The following BTK variants were observed in gnomAD, a reference collection of about 807,000 sequenced individuals.
The protein encoded by BTK is Bruton tyrosine kinase.
In BTK, 5 loss-of-function variants were observed where a neutral mutation model predicts 57.4. That is an observed-to-expected ratio of 0.09 (90% CI 0.05 to 0.18). The LOEUF is 0.18. BTK is among the 10% of genes least tolerant of loss of function. The pLI, the probability that BTK is intolerant of heterozygous loss-of-function variation, is 1.00. For missense variants in BTK, 194 were observed against 501.2 expected (o/e 0.39, Z 5.85); for synonymous variants, 154 against 174.3 (o/e 0.88, Z 0.92).
At chrX:101,381,350 A>G (rs182007891) in intron 1 of BTK, among the ~76,000 whole-genome samples, 11 of 111,745 alleles carry the variant, frequency 9.8e-5, no homozygotes, top group African/African-American at 3.6e-4. Flanking sequence ...GGACTATGCA[A>G]TTTGCATCAT....
chrX:101,362,413 C>T, intron 6 of BTK, 148 bp downstream of exon 6: 2 of 982,469 alleles, frequency 2.0e-6, no homozygotes, highest in Admixed American at 2.2e-5. Context: ...TGGATTTCAG[C>T]CCCCATGTGC....
At chrX:101,377,336 ATACCACAATTATTCTTGTGGC>A (rs782041476) in intron 1 of BTK, among the ~76,000 whole-genome samples, 7 of 111,741 alleles carry the variant, frequency 6.3e-5, no homozygotes, top group Non-Finnish European at 1.1e-4. Flanking sequence ...CCCTGTAATC[ATACCACAATTATTCTTGTGGC>A]AAATTATAAT....
chrX:101,366,025 G>A (rs782762724), intron 5 of BTK, among the ~76,000 whole-genome samples: 4 of 112,303 alleles, frequency 3.6e-5, no homozygotes, highest in East Asian at 5.6e-4. Flanking sequence ...AGTGGCTCAC[G>A]CCTTGGGAGG....
chrX:101,355,561 CAAGAGAA>C, intron 15 of BTK: 1 of 118,661 alleles, frequency 8.4e-6, no homozygotes, highest in Non-Finnish European at 1.7e-5. Context: ...TGTAGATTTT[CAAGAGAA>C]GCTGGAAATT....
At chrX:101,358,574 C>A in intron 11 of BTK, 43 bp downstream of exon 11, 1 of 1,179,051 alleles carries the variant, frequency 8.5e-7, no homozygotes, top group Non-Finnish European at 1.2e-6. Context: ...TAGGAGGGTA[C>A]CCCTGTTCTT....
At chrX:101,371,967 C>T (rs1927048228) in intron 3 of BTK, among the ~76,000 whole-genome samples, 1 of 112,124 alleles carries the variant, frequency 8.9e-6, no homozygotes, top group Admixed American at 9.5e-5. Flanking sequence ...TATTTAACCA[C>T]TAACGTTGTG....
At chrX:101,371,784 G>A in intron 3 of BTK, 83 bp from the exon 4 acceptor site, 1 of 831,163 alleles carries the variant, frequency 1.2e-6, no homozygotes, top group South Asian at 2.0e-5. Flanking sequence ...GCCTTTTGCT[G>A]TGGCTTCAGA....
intron 1 of BTK, among the ~76,000 whole-genome samples, chrX:101,377,035 A>G (rs782413406): frequency 9.0e-6 from 1 of 111,226 alleles, no homozygotes; most frequent in Non-Finnish European, 1.9e-5. Flanking sequence ...TGTGTATGCC[A>G]CTATCTTCTG....
At chrX:101,363,833 C>G (rs782707404) in intron 5 of BTK, among the ~76,000 whole-genome samples, 1 of 108,105 alleles carries the variant, frequency 9.3e-6, no homozygotes, top group Non-Finnish European at 1.9e-5. Flanking sequence ...TCCAGGAACA[C>G]GCACATTTGA....
intron 17 of BTK, 113 bp from the exon 18 acceptor site, chrX:101,353,464 C>CT: frequency 1.2e-6 from 1 of 849,712 alleles, no homozygotes; most frequent in Non-Finnish European, 1.7e-6. Flanking sequence ...CCGCTCTGTG[C>CT]TTTTTATATT....
intron 5 of BTK, among the ~76,000 whole-genome samples, chrX:101,364,166 T>G (rs373813442): frequency 2.8e-5 from 3 of 108,963 alleles, no homozygotes; most frequent in African/African-American, 9.9e-5. Context: ...CCCAGCACTT[T>G]GGGAGGCAGA....
intron 18 of BTK, among the ~76,000 whole-genome samples, chrX:101,352,581 A>G (rs782421477): frequency 8.9e-6 from 1 of 111,770 alleles, no homozygotes; most frequent in African/African-American, 3.2e-5. Context: ...CCTGGTCAAC[A>G]TGGCGAAATG....
At chrX:101,378,949 G>A (rs950452161) in intron 1 of BTK, among the ~76,000 whole-genome samples, 46 of 110,312 alleles carry the variant, frequency 4.2e-4, no homozygotes, top group Non-Finnish European at 7.2e-4. Context: ...TGAGGCTGGC[G>A]GATCACTTGA....
chrX:101,349,988 TG>T (rs781988729), intron 18 of BTK, 32 bp from the exon 19 acceptor site: 2 of 1,080,917 alleles, frequency 1.9e-6, no homozygotes, highest in South Asian at 1.9e-5. Flanking sequence ...AGTGTTAGAG[TG>T]GCTAGAATCC....
intron 12 of BTK, chrX:101,358,020 G>A (rs1603005980): frequency 1.8e-5 from 8 of 440,547 alleles, no homozygotes; most frequent in Non-Finnish European, 2.1e-5. Context: ...TGAGGAAATC[G>A]CTGAGTACAC....
intron 14 of BTK, 114 bp downstream of exon 14, chrX:101,356,670 T>C (rs782743193): frequency 1.1e-6 from 1 of 898,417 alleles, no homozygotes; most frequent in Admixed American, 2.2e-5. Flanking sequence ...TAAACTTCAG[T>C]CCCTCGTCCC....
chrX:101,383,296 T>C (rs1409450826), intron 1 of BTK, among the ~76,000 whole-genome samples: 3 of 112,013 alleles, frequency 2.7e-5, no homozygotes, highest in African/African-American at 9.7e-5. Context: ...CTAATGTTCT[T>C]ATTTAACATT....
chrX:101,376,717 G>A (rs1437191946), intron 1 of BTK, among the ~76,000 whole-genome samples: 1 of 107,615 alleles, frequency 9.3e-6, no homozygotes, highest in South Asian at 4.3e-4. Context: ...TTAGTGGTAG[G>A]GATTTTTCCT....
chrX:101,362,460 A>G, intron 6 of BTK, 101 bp downstream of exon 6: 1 of 1,161,562 alleles, frequency 8.6e-7, no homozygotes. Flanking sequence ...TTAGCACCCA[A>G]AGTGTACAAC....
Sources: gnomAD v4.1 joint callset for allele counts (sites outside exome capture counted in the v4.1 genomes callset) on GRCh38, gnomAD v4.1.1 for gene constraint, MANE v1.5 for transcripts, NCBI Gene and HGNC (gene_info 2026-07-23, HGNC 2026-07-21) for gene names.